Variants in MPI observed in about 807,000 individuals in gnomAD.
The protein encoded by MPI is mannose-6-phosphate isomerase.
Under a neutral mutation model 40.1 loss-of-function variants are expected in MPI, and 33 were observed. The observed-to-expected ratio is 0.82, with a 90% CI of 0.62 to 1.10. The LOEUF is 1.10. MPI is among the 50% of genes least tolerant of loss of function. The probability of loss-of-function intolerance (pLI) is 0.00; values close to 1 mark genes in which losing one functional copy is unlikely to be tolerated. For missense variants in MPI, 514 were observed against 524.1 expected (o/e 0.98, Z 0.19); for synonymous variants, 187 against 207.4 (o/e 0.90, Z 0.85).
At position 74,896,771 on chromosome 15, in the gene MPI, GACT is replaced by G. The variant is rs1195489375; in HGVS notation, c.845-237_845-235del. 2.7e-5 allele frequency: 17 copies of G among 625,082 alleles called. No homozygotes were observed. In the East Asian group the frequency reaches 4.6e-4, roughly 17 times the overall value. The allele number at this position is 625,082 out of a possible 1,614,324, so 38.7% of individuals were successfully genotyped here. On this transcript the variant is annotated intron_variant, in intron 6 of 7. Coordinates refer to ENST00000352410, the MANE Select transcript of MPI (RefSeq NM_002435.3). ...ACAGGATTCTGGGGTAGAAGTGGGA[GACT>G]ACAGAGTTGGGGCTCCCCAACCCCC... is the stretch of plus-strand genomic sequence containing the variant.
rs763169640 is a variant in MPI, at chr15:74,897,522, C to G, written c.1064C>G (p.Ser355Cys). 1 of 1,614,006 alleles carries G rather than the reference C, an allele frequency of 6.2e-7. No individual in the cohort carries two copies. The highest frequency in any genetic ancestry group is 8.5e-7 in the Non-Finnish European group (1 of 1,179,908). Residue 355 changes from serine (S) to cysteine (C), a missense_variant, in exon 8 of 8, where the codon TCT becomes TGT. Transcript: ENST00000352410. ...FTIMKTEVPG[S>C]VTEYKVLALD... ...TTTCTTCCTGCCCAGGTCCCTGGCT[C>G]TGTCACTGAATACAAGGTCTTGGCA... is the stretch of plus-strand genomic sequence containing the variant.
intron 5 of MPI, among the ~76,000 whole-genome samples, chr15:74,895,130 T>C (rs2064798525): frequency 2.5e-5 from 1 of 39,706 alleles, no homozygotes; most frequent in South Asian, 3.6e-4. Context: ...CACACCTGGC[T>C]TTTTTTTTTT....
rs2064714021 is a variant in MPI at position 74,890,739 on chromosome 15, G to C, written c.144+85G>C. On this transcript the variant is annotated intron_variant, in intron 2 of 7. Transcript: ENST00000352410. ...GCAAGTCATAAGAATCAGCTGGGAA[G>C]GGTGAGGCAGCAAGGAGGGAGGAGA... The C allele has an allele frequency of 2.5e-6, 4 of 1,592,888 alleles. No individual in the cohort carries two copies. In the African/African-American group the frequency reaches 4.0e-5, roughly 16 times the overall value.
intron 1 of MPI, 163 bp from the exon 2 acceptor site, chr15:74,890,364 G>A (rs1246339011): frequency 4.2e-6 from 4 of 961,116 alleles, no homozygotes; most frequent in Non-Finnish European, 6.3e-6. Context: ...CTGACAGTTG[G>A]GAACATCGAG....
Position 74,900,977 on chromosome 15 carries a change from C to A in MPI, c.*3247C>A, listed in dbSNP as rs2064930789. The A allele has an allele frequency of 6.6e-6, 1 of 152,204 alleles. No homozygotes were observed. Among genetic ancestry groups the A allele is most frequent in the Non-Finnish European group, 1.5e-5 (1 of 68,030 alleles). 9.4% of individuals were successfully genotyped at this position (152,204 alleles called of 1,614,324 possible). ...AGACAAATAACAAATAAGGCCGTAT[C>A]TTTTTATTAGACTTGCTCATCTTCT... On this transcript the variant is annotated 3_prime_UTR_variant, in exon 8 of 8. Coordinates refer to ENST00000352410, the MANE Select transcript of MPI (RefSeq NM_002435.3).
In MPI at chr15:74,897,798, C is replaced by T; in HGVS notation, c.*68C>T. 6.8e-7 allele frequency: 1 copy of T among 1,475,886 alleles called. No homozygotes were observed. The highest frequency in any genetic ancestry group is 9.4e-7 in the Non-Finnish European group (1 of 1,060,230). The allele number at this position is 1,475,886 out of a possible 1,614,324, so 91.4% of individuals were successfully genotyped here. ...TTCCAGCCAACCTCACCTCCTCGGGCCCAGCTCAAGCCCCCTTCCTTGCTC... is the reference window on the plus strand; with the variant it reads ...TTCCAGCCAACCTCACCTCCTCGGGTCCAGCTCAAGCCCCCTTCCTTGCTC... On this transcript the variant is annotated 3_prime_UTR_variant, in exon 8 of 8. Coordinates refer to ENST00000352410, the MANE Select transcript of MPI (RefSeq NM_002435.3).
intron 5 of MPI, 44 bp downstream of exon 5, chr15:74,893,364 G>A: frequency 6.2e-7 from 1 of 1,607,334 alleles, no homozygotes; most frequent in Non-Finnish European, 8.5e-7. Flanking sequence ...GCTCTGGCCT[G>A]GGCTTCCCAG....
chr15:74,896,087 A>G, intron 5 of MPI, 65 bp from the exon 6 acceptor site: 2 of 1,594,008 alleles, frequency 1.3e-6, no homozygotes, highest in Non-Finnish European at 1.7e-6. Flanking sequence ...TCCCTGGCCA[A>G]TGTGGGGCTA....
chr15:74,893,521 C>T, intron 5 of MPI: 1 of 671,224 alleles, frequency 1.5e-6, no homozygotes, highest in South Asian at 1.6e-5. Context: ...TGCTGCTTCC[C>T]AACTGGTCAT....
chr15:74,901,387 G>A lies in MPI; in HGVS notation c.*3657G>A, dbSNP rs2064952497. On this transcript the variant is annotated 3_prime_UTR_variant, in exon 8 of 8. Coordinates refer to ENST00000352410, the MANE Select transcript of MPI (RefSeq NM_002435.3). Reference sequence around the variant, plus strand: ...TATAGCAAGATATACTCTCCAATTTGTGGGTAGGGGGTGTCACAGCAGAAA... The same window carrying A: ...TATAGCAAGATATACTCTCCAATTTATGGGTAGGGGGTGTCACAGCAGAAA... The A allele has an allele frequency of 6.6e-6, 1 of 152,198 alleles. No individual in the cohort carries two copies. Among genetic ancestry groups the A allele is most frequent in the South Asian group, 2.1e-4 (1 of 4,834 alleles). 9.4% of individuals were successfully genotyped at this position (152,198 alleles called of 1,614,324 possible). A position where few individuals can be genotyped will look rare whatever the true frequency, so the allele number is the denominator to read the frequency against.
In MPI at chr15:74,900,790, C is replaced by T. The variant is rs1567274094; in HGVS notation, c.*3060C>T. On this transcript the variant is annotated 3_prime_UTR_variant, in exon 8 of 8. Coordinates refer to ENST00000352410, the MANE Select transcript of MPI (RefSeq NM_002435.3). ...TTCCCAAGACCCCAAGCTGGCATGACTCTGGTCTCTGTCCTATCTCTCTGC... is the reference window on the plus strand; with the variant it reads ...TTCCCAAGACCCCAAGCTGGCATGATTCTGGTCTCTGTCCTATCTCTCTGC... The T allele has an allele frequency of 6.6e-6, 1 of 152,292 alleles. No homozygotes were observed. Among genetic ancestry groups the T allele is most frequent in the East Asian group, 1.9e-4 (1 of 5,202 alleles). 9.4% of individuals were successfully genotyped at this position (152,292 alleles called of 1,614,324 possible).
At chr15:74,894,069 TGTGTGTGTGTGTGTGTGTGTGTGTGTGTG>T (rs1480141244) in intron 5 of MPI, among the ~76,000 whole-genome samples, 3,089 of 64,662 alleles carry the variant, frequency 0.048, 170 homozygotes, top group African/African-American at 0.14. Context: ...TGTGTGTGTG[TGTGTGTGTGTGTGTGTGTGTGTGTGTGTG>T]TGTGTGTGTG....
intron 6 of MPI, 111 bp downstream of exon 6, chr15:74,896,436 GCT>G (rs775156572): frequency 7.9e-6 from 10 of 1,266,640 alleles, no homozygotes; most frequent in Middle Eastern, 1.8e-4. Context: ...GGACCTTGCA[GCT>G]CTGACCTCTG....
At position 74,899,157 on chromosome 15, in the gene MPI, C is replaced by A. The variant is rs2064868968; in HGVS notation, c.*1427C>A. The A allele has an allele frequency of 6.6e-6, 1 of 152,218 alleles. No homozygotes were observed. Among genetic ancestry groups the A allele is most frequent in the Admixed American group, 6.5e-5 (1 of 15,282 alleles). The allele number at this position is 152,218 out of a possible 1,614,324, so 9.4% of individuals were successfully genotyped here. ...GGAGGGAATCTCCTGATGCCCTGCT[C>A]CAGGGGTGGCACACACCTGCAAGAG... On this transcript the variant is annotated 3_prime_UTR_variant, in exon 8 of 8. Transcript: ENST00000352410.
intron 2 of MPI, 95 bp from the exon 3 acceptor site, chr15:74,891,284 G>C (rs2064722178): frequency 3.4e-6 from 4 of 1,171,136 alleles, no homozygotes; most frequent in African/African-American, 1.5e-5. Flanking sequence ...GGACTCAGTT[G>C]CCCTGTGGGG....
In MPI at chr15:74,893,312, C is replaced by T. The variant is rs760911969; in HGVS notation, c.662C>T (p.Ser221Phe). 3.1e-6 allele frequency: 5 copies of T among 1,614,090 alleles called. No individual in the cohort carries two copies. In the African/African-American group the frequency reaches 6.7e-5, roughly 22 times the overall value. ...EQLNLLVKRI[S>F]QQAAAGNNME... ...CTCAACCTGTTGGTGAAGCGGATCT[C>T]CCAGCAAGGTGGACACAGTTATATT... The change falls in exon 5 of 8, where the codon TCC becomes TTC. Residue 221 changes from serine to phenylalanine, a missense_variant. Ser to Phe is a radical substitution (Grantham distance 155, BLOSUM62 -2). Transcript: ENST00000352410.
Position 74,893,386 on chromosome 15 carries a change from C to T in MPI, c.670+66C>T, listed in dbSNP as rs957062691. On this transcript the variant is annotated intron_variant, in intron 5 of 7. Coordinates refer to ENST00000352410, the MANE Select transcript of MPI (RefSeq NM_002435.3). ...CCTGGGCTTCCCAGCAGACACCAGA[C>T]TCTGGGGACAGTTCTCAACCCCCTT... The T allele has an allele frequency of 2.6e-6, 4 of 1,564,478 alleles. No homozygotes were observed. The Admixed American group carries it at 6.7e-5, about 26-fold the overall frequency.
At position 74,890,059 on chromosome 15, in the gene MPI, G is replaced by C; in HGVS notation, c.-15G>C. ...GGAAAGGCATACGTGCTTAATCCTG[G>C]TGCAGGGGGCGAGCATGGCCGCTCC... On this transcript the variant is annotated 5_prime_UTR_variant, in exon 1 of 8. Coordinates refer to ENST00000352410, the MANE Select transcript of MPI (RefSeq NM_002435.3). 6.2e-7 allele frequency: 1 copy of C among 1,606,512 alleles called. No homozygotes were observed. The highest frequency in any genetic ancestry group is 8.5e-7 in the Non-Finnish European group (1 of 1,179,948).
chr15:74,892,865 G>A, intron 4 of MPI, 63 bp downstream of exon 4: 2 of 1,611,578 alleles, frequency 1.2e-6, no homozygotes, highest in South Asian at 1.1e-5. Context: ...GAACCAAGAT[G>A]ATAGGAACAG....
Sources: gnomAD v4.1 joint callset for allele counts (sites outside exome capture counted in the v4.1 genomes callset) on GRCh38, gnomAD v4.1.1 for gene constraint, MANE v1.5 for transcripts, NCBI Gene and HGNC (gene_info 2026-07-23, HGNC 2026-07-21) for gene names.